GPC6: variants seen among roughly 807,000 people sequenced by gnomAD.
GPC6 encodes glypican 6.
A neutral mutation model predicts 55.2 loss-of-function variants in GPC6; 14 were observed. The ratio of observed to expected loss-of-function variants is 0.25; its 90% CI spans 0.17 to 0.40. The LOEUF (loss-of-function observed/expected upper bound fraction) is 0.40. Among genes scored for constraint, GPC6 ranks in the 10% least tolerant of loss-of-function variants. GPC6 has a pLI of 1.00. For synonymous variants in GPC6, 278 were observed against 259.6 expected, an observed-to-expected ratio of 1.07 and a Z score of -0.68; for missense variants, 641 against 708.5, an observed-to-expected ratio of 0.90 and a Z score of 1.08.
chr13:93,957,755 T>A (rs1879571833), intron 3 of GPC6, among the ~76,000 whole-genome samples: 1 of 152,202 alleles, frequency 6.6e-6, no homozygotes, highest in Non-Finnish European at 1.5e-5. Flanking sequence ...GAAATTGGTA[T>A]GTCAAATAGC....
At chr13:93,952,886 G>A (rs966693588) in intron 3 of GPC6, among the ~76,000 whole-genome samples, 7 of 144,560 alleles carry the variant, frequency 4.8e-5, no homozygotes, top group Non-Finnish European at 7.6e-5. Context: ...ATATATATAT[G>A]TGTGATATAT....
rs972851457 is a variant in GPC6 at position 93,442,002 on chromosome 13, C to T, written c.161-103261C>T. Among the ~76,000 whole-genome samples, 5 of 152,106 alleles carry T rather than the reference C, an allele frequency of 3.3e-5. No individual in the cohort carries two copies. In the South Asian group the frequency reaches 8.3e-4, roughly 25 times the overall value. On this transcript the variant is annotated intron_variant, in intron 1 of 8. Coordinates refer to ENST00000377047, the MANE Select transcript of GPC6 (RefSeq NM_005708.5). Reference sequence around the variant, plus strand: ...CATGATGGTTCTCTGCTGGATAGAACGATCTGGATTTTAAACAGGAAAGGA... The same window carrying T: ...CATGATGGTTCTCTGCTGGATAGAATGATCTGGATTTTAAACAGGAAAGGA...
At chr13:94,094,122 G>T (rs1190041206) in intron 4 of GPC6, among the ~76,000 whole-genome samples, 1 of 151,994 alleles carries the variant, frequency 6.6e-6, no homozygotes, top group Non-Finnish European at 1.5e-5. Context: ...AATTTACAGG[G>T]ACACTGGATT....
intron 6 of GPC6, among the ~76,000 whole-genome samples, chr13:94,334,883 T>TAATA (rs1877602295): frequency 6.6e-6 from 1 of 152,200 alleles, no homozygotes. Flanking sequence ...AGAGTAATAT[T>TAATA]AATAGTTATA....
At chr13:94,024,623 A>G (rs1221744735) in intron 3 of GPC6, among the ~76,000 whole-genome samples, 3 of 152,156 alleles carry the variant, frequency 2.0e-5, no homozygotes, top group Non-Finnish European at 4.4e-5. Flanking sequence ...TAGGAGACCC[A>G]CATTTAACTT....
At chr13:93,967,908 A>T (rs1880117306) in intron 3 of GPC6, among the ~76,000 whole-genome samples, 1 of 152,172 alleles carries the variant, frequency 6.6e-6, no homozygotes, top group Non-Finnish European at 1.5e-5. Flanking sequence ...GGCAAATTGG[A>T]CTGAATAGAT....
At chr13:94,263,795 C>A (rs1256428065) in intron 4 of GPC6, among the ~76,000 whole-genome samples, 1 of 152,180 alleles carries the variant, frequency 6.6e-6, no homozygotes, top group East Asian at 1.9e-4. Flanking sequence ...CCCTGCAAGG[C>A]AGCTCTGAAA....
chr13:93,952,420 A>T (rs775031890), intron 3 of GPC6, among the ~76,000 whole-genome samples: 4 of 152,130 alleles, frequency 2.6e-5, no homozygotes, highest in Admixed American at 6.6e-5. Flanking sequence ...ATTGTGAAAA[A>T]TGTATATAAC....
chr13:93,385,278 G>A (rs1370994412), intron 1 of GPC6, among the ~76,000 whole-genome samples: 2 of 152,224 alleles, frequency 1.3e-5, no homozygotes, highest in East Asian at 1.9e-4. Context: ...TGGAGAAGGG[G>A]AAGGAGGGAA....
Position 94,100,049 on chromosome 13 carries a change from T to C in GPC6, c.877+72155T>C, listed in dbSNP as rs139312520. ...CCTAGGTGATGAAATAGTCTGTACA[T>C]GAGTACATGGGTTTACCTATGTAAT... On this transcript the variant is annotated intron_variant, in intron 4 of 8. Transcript: ENST00000377047. Among the ~76,000 whole-genome samples the C allele has an allele frequency of 8.1e-3, 1,234 of 152,238 alleles. 13 individuals are homozygous for C. Among genetic ancestry groups the C allele is most frequent in the Middle Eastern group, 0.017 (5 of 294 alleles).
At chr13:94,055,387 C>T (rs1237151739) in intron 4 of GPC6, among the ~76,000 whole-genome samples, 1 of 152,010 alleles carries the variant, frequency 6.6e-6, no homozygotes, top group Non-Finnish European at 1.5e-5. Flanking sequence ...GCCAAAAATC[C>T]TACTCACCAA....
At chr13:94,126,590 C>T (rs962362045) in intron 4 of GPC6, among the ~76,000 whole-genome samples, 4 of 152,052 alleles carry the variant, frequency 2.6e-5, no homozygotes, top group African/African-American at 7.2e-5. Flanking sequence ...AAATTATTTC[C>T]ATGCATCCTA....
chr13:94,061,954 A>G (rs920282409), intron 4 of GPC6, among the ~76,000 whole-genome samples: 1 of 152,156 alleles, frequency 6.6e-6, no homozygotes, highest in Admixed American at 6.5e-5. Flanking sequence ...GATGCTGGGT[A>G]CTGGCAAATC....
chr13:93,662,544 C>G (rs920744744), intron 2 of GPC6, among the ~76,000 whole-genome samples: 3 of 151,950 alleles, frequency 2.0e-5, no homozygotes, highest in African/African-American at 7.3e-5. Context: ...GCAGGAGAAT[C>G]GTTTGAACCC....
At chr13:93,735,330 C>T (rs183852332) in intron 2 of GPC6, among the ~76,000 whole-genome samples, 27 of 152,028 alleles carry the variant, frequency 1.8e-4, no homozygotes, top group Admixed American at 1.5e-3. Flanking sequence ...GTCAGGAGTT[C>T]GAGACCAGCC....
chr13:93,659,320 T>G (rs1228135068), intron 2 of GPC6, among the ~76,000 whole-genome samples: 1 of 151,986 alleles, frequency 6.6e-6, no homozygotes, highest in Non-Finnish European at 1.5e-5. Flanking sequence ...TGGCTTTTAC[T>G]TCCTGTGTTT....
At chr13:94,022,731 T>C (rs1882744999) in intron 3 of GPC6, among the ~76,000 whole-genome samples, 1 of 152,060 alleles carries the variant, frequency 6.6e-6, no homozygotes, top group Non-Finnish European at 1.5e-5. Context: ...TCCATTTTTC[T>C]CCACACCCTT....
intron 1 of GPC6, among the ~76,000 whole-genome samples, chr13:93,531,983 T>A (rs1881886116): frequency 6.6e-6 from 1 of 152,160 alleles, no homozygotes; most frequent in African/African-American, 2.4e-5. Context: ...GTAGTACTAT[T>A]TAATGTTGAA....
intron 2 of GPC6, among the ~76,000 whole-genome samples, chr13:93,665,796 T>C (rs1881107892): frequency 6.6e-6 from 1 of 152,158 alleles, no homozygotes; most frequent in Non-Finnish European, 1.5e-5. Flanking sequence ...GTCATGTATG[T>C]AATTCAGAAA....
Sources: gnomAD v4.1 joint callset for allele counts (sites outside exome capture counted in the v4.1 genomes callset) on GRCh38, gnomAD v4.1.1 for gene constraint, MANE v1.5 for transcripts, NCBI Gene and HGNC (gene_info 2026-07-23, HGNC 2026-07-21) for gene names.